Variants in PTAFR observed in about 807,000 individuals in gnomAD.
PTAFR encodes the protein platelet-activating factor receptor.
PTAFR carries 8 observed loss-of-function variants against 14.7 expected under a neutral mutation model. The ratio of observed to expected loss-of-function variants is 0.54; its 90% CI spans 0.32 to 0.98. The LOEUF is 0.98. Among genes scored for constraint, PTAFR ranks in the 50% least tolerant of loss-of-function variants. The pLI is 0.04. For synonymous variants in PTAFR, 156 were observed against 176.5 expected (o/e 0.88, Z 0.92); for missense variants, 337 against 451.2 (o/e 0.75, Z 2.29).
rs1160556789 is a variant in PTAFR at position 28,176,637 on chromosome 1, G to C, written c.-84C>G. 2.6e-5 allele frequency: 4 copies of C among 152,674 alleles called. No homozygotes were observed. The highest frequency in any genetic ancestry group is 9.7e-5 in the African/African-American group (4 of 41,400). 9.5% of individuals were successfully genotyped at this position (152,674 alleles called of 1,614,324 possible). A position where few individuals can be genotyped will look rare whatever the true frequency, so the allele number is the denominator to read the frequency against. On this transcript the variant is annotated 5_prime_UTR_variant, in exon 1 of 2. Transcript: ENST00000373857. ...TCAGCTGCAGTGACCGTGTGTCTCT[G>C]TCTGGGTCCTGGCCCCAGCCTCAGC...
chr1:28,150,271 C>G lies in PTAFR; in HGVS notation c.751G>C (p.Val251Leu). ...FIICFVPHHV[V>L]QLPWTLAELG... ...TCAGCAAGGGTCCAGGGCAGCTGCACCACGTGGTGGGGCACGAAGCAGATG... is the reference window on the plus strand; with the variant it reads ...TCAGCAAGGGTCCAGGGCAGCTGCAGCACGTGGTGGGGCACGAAGCAGATG... The change falls in exon 2 of 2, where the codon GTG becomes CTG. Residue 251 changes from valine (V) to leucine (L), a missense_variant. Physicochemically the swap from Val to Leu is conservative, Grantham distance 32. Coordinates refer to ENST00000373857, the MANE Select transcript of PTAFR (RefSeq NM_000952.5). This position sits in a 1 kb window ranked among gnomAD's most constrained non-coding sequence, Gnocchi z 6.3. 6.2e-7 allele frequency: 1 copy of G among 1,612,224 alleles called. No homozygotes were observed. The highest frequency in any genetic ancestry group is 8.5e-7 in the Non-Finnish European group (1 of 1,178,574).
Position 28,157,823 on chromosome 1 carries a change from G to T in PTAFR, c.-38-6764C>A, listed in dbSNP as rs546015307. ...TTTTTTGTATTTTTGGTAGAGATGG[G>T]GTTTCACCATGTTAGCCAGGATGGT... On this transcript the variant is annotated intron_variant, in intron 1 of 1. Transcript: ENST00000373857. Among the ~76,000 whole-genome samples, 2 of 150,866 alleles carry T rather than the reference G, an allele frequency of 1.3e-5. 1 individual carries two copies. Among genetic ancestry groups the T allele is most frequent in the African/African-American group, 4.9e-5 (2 of 41,024 alleles).
At chr1:28,159,629 G>C (rs1646301643) in intron 1 of PTAFR, among the ~76,000 whole-genome samples, 1 of 151,998 alleles carries the variant, frequency 6.6e-6, no homozygotes, top group African/African-American at 2.4e-5. Context: ...CTCGAGGTCA[G>C]GAGTTCCAGA....
At chr1:28,181,752 A>T (rs1646564452) in intron 1 of PTAFR, among the ~76,000 whole-genome samples, 1 of 151,964 alleles carries the variant, frequency 6.6e-6, no homozygotes, top group Non-Finnish European at 1.5e-5. Context: ...CAAAAAAATA[A>T]AAATAAATAA....
At chr1:28,156,782 C>T (rs1401903223) in intron 1 of PTAFR, among the ~76,000 whole-genome samples, 6 of 152,168 alleles carry the variant, frequency 3.9e-5, no homozygotes, top group Non-Finnish European at 4.4e-5. Flanking sequence ...CATCCAGGAC[C>T]GGCCTTGTTT....
chr1:28,157,859 T>G (rs1300027907), intron 1 of PTAFR, among the ~76,000 whole-genome samples: 1 of 151,086 alleles, frequency 6.6e-6, no homozygotes, highest in Admixed American at 6.6e-5. Context: ...CTTGATCTCC[T>G]GACCTTGTGA....
chr1:28,178,372 T>C (rs989889937), upstream of PTAFR, among the ~76,000 whole-genome samples: 1 of 152,068 alleles, frequency 6.6e-6, no homozygotes, highest in Non-Finnish European at 1.5e-5. Flanking sequence ...GGGATTCTCC[T>C]GCCTCAGCCT....
At chr1:28,156,199 G>A (rs1238831980) in intron 1 of PTAFR, among the ~76,000 whole-genome samples, 3 of 151,314 alleles carry the variant, frequency 2.0e-5, no homozygotes, top group African/African-American at 7.3e-5. Context: ...GTAGGCGGAG[G>A]TTGCAGTCAG....
At chr1:28,157,752 C>G (rs1217385368) in intron 1 of PTAFR, among the ~76,000 whole-genome samples, 2 of 151,886 alleles carry the variant, frequency 1.3e-5, no homozygotes, top group African/African-American at 4.8e-5. Flanking sequence ...CCTCAGCCTC[C>G]CGAGTGGCTG....
intron 1 of PTAFR, among the ~76,000 whole-genome samples, chr1:28,153,348 G>C (rs941329483): frequency 1.3e-5 from 2 of 152,138 alleles, no homozygotes; most frequent in African/African-American, 4.8e-5. Flanking sequence ...TTACATTGCA[G>C]TGGGCATGAC....
intron 1 of PTAFR, among the ~76,000 whole-genome samples, chr1:28,174,571 A>G (rs1646492015): frequency 6.6e-6 from 1 of 152,126 alleles, no homozygotes; most frequent in South Asian, 2.1e-4. Flanking sequence ...CGGAGATGAG[A>G]AAGGATTTTC....
intron 1 of PTAFR, among the ~76,000 whole-genome samples, chr1:28,160,009 T>C (rs1176188165): frequency 6.6e-6 from 1 of 151,898 alleles, no homozygotes; most frequent in Non-Finnish European, 1.5e-5. Context: ...GCTCAGGAGT[T>C]TGAGATCAGC....
At chr1:28,174,146 G>A (rs904014552) in intron 1 of PTAFR, among the ~76,000 whole-genome samples, 6 of 152,158 alleles carry the variant, frequency 3.9e-5, no homozygotes, top group Admixed American at 3.9e-4. Flanking sequence ...CCAAGAGGGG[G>A]TGGTCAGAGA....
upstream of PTAFR, among the ~76,000 whole-genome samples, chr1:28,179,193 C>T (rs1460950105): frequency 6.6e-6 from 1 of 152,120 alleles, no homozygotes; most frequent in Non-Finnish European, 1.5e-5. Flanking sequence ...AAAACAGTTT[C>T]ACCTCAGCCC....
intron 1 of PTAFR, among the ~76,000 whole-genome samples, chr1:28,190,135 G>A (rs905735982): frequency 6.6e-6 from 1 of 151,774 alleles, no homozygotes; most frequent in East Asian, 1.9e-4. Context: ...ACCACGCCCG[G>A]CTAATTTTGT....
chr1:28,168,832 C>A (rs867918155), intron 1 of PTAFR, among the ~76,000 whole-genome samples: 1 of 151,960 alleles, frequency 6.6e-6, no homozygotes, highest in Non-Finnish European at 1.5e-5. Flanking sequence ...CCACACCCAG[C>A]TAATTTTGTA....
intron 1 of PTAFR, among the ~76,000 whole-genome samples, chr1:28,191,458 G>T (rs1247649649): frequency 6.6e-6 from 1 of 152,224 alleles, no homozygotes; most frequent in Non-Finnish European, 1.5e-5. Flanking sequence ...CTCCAGCCGG[G>T]CGCAGTGGTA....
chr1:28,155,077 C>A (rs1572030674), intron 1 of PTAFR, among the ~76,000 whole-genome samples: 1 of 152,170 alleles, frequency 6.6e-6, no homozygotes, highest in African/African-American at 2.4e-5. Flanking sequence ...ACCTTAGCAT[C>A]AGGCTCTAGC....
At chr1:28,176,303 C>T (rs1165142600) in intron 1 of PTAFR, among the ~76,000 whole-genome samples, 1 of 151,784 alleles carries the variant, frequency 6.6e-6, no homozygotes, top group Non-Finnish European at 1.5e-5. Flanking sequence ...ATTAGCCAGG[C>T]GTGGTAGAGC....
Sources: allele counts gnomAD v4.1 joint callset (sites outside exome capture counted in the v4.1 genomes callset), GRCh38; gene constraint gnomAD v4.1.1; non-coding constraint Gnocchi (gnomAD v3.1); transcripts MANE v1.5; gene names NCBI Gene and HGNC (gene_info 2026-07-23, HGNC 2026-07-21).